The following HIVEP1 variants were observed in gnomAD, a reference collection of about 807,000 sequenced individuals.
The protein encoded by HIVEP1 is zinc finger protein 40.
A neutral mutation model predicts 180.0 loss-of-function variants in HIVEP1; 36 were observed. The observed-to-expected ratio is 0.20, with a 90% CI of 0.15 to 0.26. The LOEUF (loss-of-function observed/expected upper bound fraction) is 0.26, where lower values mean the gene tolerates loss of function less well. Among genes scored for constraint, HIVEP1 ranks in the 10% least tolerant of loss-of-function variants. The probability of loss-of-function intolerance (pLI) is 1.00; values close to 1 mark genes in which losing one functional copy is unlikely to be tolerated. For missense variants in HIVEP1, 3,143 were observed against 3,268.7 expected (o/e 0.96, Z 0.94); for synonymous variants, 1,239 against 1,239.0 (o/e 1.00, Z 0.00).
At chr6:12,019,981 G>A (rs1768080550) in intron 2 of HIVEP1, among the ~76,000 whole-genome samples, 1 of 152,214 alleles carries the variant, frequency 6.6e-6, no homozygotes, top group South Asian at 2.1e-4. Flanking sequence ...GCATGGATTT[G>A]AAAATTAAGC....
Position 12,123,612 on chromosome 6 carries a change from C to T in HIVEP1, c.3817C>T (p.Pro1273Ser). ...GCGTAGTGAAACCTTGTCAAAATTG[C>T]CAACAGAGAAACTGCCACCCAAAAA... ...PQRSETLSKLPTEKLPPKKKR... is the reference protein window; with the variant it reads ...PQRSETLSKLSTEKLPPKKKR... The change falls in exon 4 of 9, where the codon CCA becomes TCA. Residue 1273 changes from proline (P) to serine (S), a missense_variant. Physicochemically the swap from Pro to Ser is moderately conservative, Grantham distance 74. Around this residue, in one of 12 missense-constraint regions of HIVEP1, gnomAD observed 1,357 missense variants for 1,260.5 expected, o/e 1.08. Transcript: ENST00000379388. 6.2e-7 allele frequency: 1 copy of T among 1,614,044 alleles called. No homozygotes were observed.
intron 7 of HIVEP1, among the ~76,000 whole-genome samples, chr6:12,137,611 A>AT (rs1228054099): frequency 5.3e-5 from 1 of 19,030 alleles, no homozygotes; most frequent in Non-Finnish European, 9.1e-5. Flanking sequence ...GTGTGCTCAA[A>AT]GTTTTTTTTT....
intron 3 of HIVEP1, among the ~76,000 whole-genome samples, chr6:12,118,271 A>T (rs1775346939): frequency 6.6e-6 from 1 of 152,078 alleles, no homozygotes; most frequent in Non-Finnish European, 1.5e-5. Context: ...TGTAAATTTT[A>T]TTCTCAATAA....
chr6:12,118,460 A>T (rs1474617969), intron 3 of HIVEP1, among the ~76,000 whole-genome samples: 1 of 152,240 alleles, frequency 6.6e-6, no homozygotes, highest in South Asian at 2.1e-4. Context: ...AAAGTAAATC[A>T]TGGCAAGTAA....
At chr6:12,169,748 C>T (rs1012545265), downstream of HIVEP1, among the ~76,000 whole-genome samples, 12 of 152,096 alleles carry the variant, frequency 7.9e-5, no homozygotes. Context: ...AAATAGTAGT[C>T]ATGAAGTCTA....
chr6:12,025,648 A>G (rs76199754), intron 2 of HIVEP1, among the ~76,000 whole-genome samples: 4,155 of 152,334 alleles, frequency 0.027, 156 homozygotes, highest in African/African-American at 0.087. Context: ...ATAACATTCT[A>G]TAATTTGTCT....
At chr6:12,156,182 C>T (rs1456350133) in intron 7 of HIVEP1, among the ~76,000 whole-genome samples, 1 of 152,096 alleles carries the variant, frequency 6.6e-6, no homozygotes, top group Non-Finnish European at 1.5e-5. Context: ...TGAAAATTTT[C>T]TCCCATTCTG....
downstream of HIVEP1, among the ~76,000 whole-genome samples, chr6:12,167,651 A>ATG (rs1760749408): frequency 1.9e-5 from 2 of 105,564 alleles, no homozygotes; most frequent in Admixed American, 9.3e-5. Flanking sequence ...ATATACATAT[A>ATG]TATGTTATAT....
chr6:12,061,405 T>C (rs563773083), intron 2 of HIVEP1, among the ~76,000 whole-genome samples: 1 of 152,374 alleles, frequency 6.6e-6, no homozygotes, highest in African/African-American at 2.4e-5. Flanking sequence ...TCTAATATGG[T>C]AGGTTAAACT....
At chr6:12,205,039 G>C in the HIVEP1 span, among the ~76,000 whole-genome samples, 2 of 152,150 alleles carry the variant, frequency 1.3e-5, no homozygotes, top group Non-Finnish European at 2.9e-5. Context: ...ATTGTGTTTT[G>C]GCTGGAGCAG....
rs1771392962 is a variant in HIVEP1, at chr6:12,063,824, CAT to C, written c.41-25357_41-25356del. Among the ~76,000 whole-genome samples, 1 of 152,186 alleles carries C rather than the reference CAT, an allele frequency of 6.6e-6. No individual in the cohort carries two copies. Among genetic ancestry groups the C allele is most frequent in the African/African-American group, 2.4e-5 (1 of 41,430 alleles). On this transcript the variant is annotated intron_variant, in intron 2 of 8. Transcript: ENST00000379388. The surrounding 1 kb of genome is among the most constrained non-coding windows in gnomAD (Gnocchi z 4.2). Reference sequence around the variant, plus strand: ...CCAGCTTCACCATGCATGAGATTCACATATGTTTCTTAGTGGTAAAAATCATT... The same window carrying C: ...CCAGCTTCACCATGCATGAGATTCACATGTTTCTTAGTGGTAAAAATCATT...
rs559686259 is a variant in HIVEP1, at chr6:12,160,898, C to T, written c.6488-541C>T. ...TTTGGGGCCTAGTAATTTGAAAGGG[C>T]CCACATTCCTCAGATAAAAGTCCTT... On this transcript the variant is annotated intron_variant, in intron 7 of 8. Coordinates refer to ENST00000379388, the MANE Select transcript of HIVEP1 (RefSeq NM_002114.4). Among the ~76,000 whole-genome samples, 11 of 152,220 alleles carry T rather than the reference C, an allele frequency of 7.2e-5. No individual in the cohort carries two copies. In the South Asian group the frequency reaches 2.3e-3, roughly 32 times the overall value.
intron 3 of HIVEP1, among the ~76,000 whole-genome samples, chr6:12,102,778 T>G (rs925589063): frequency 5.3e-5 from 8 of 152,218 alleles, no homozygotes; most frequent in African/African-American, 1.7e-4. Flanking sequence ...ACATTTGATC[T>G]CATTTTCTTA....
rs374162409 is a variant in HIVEP1 at position 12,123,563 on chromosome 6, G to A, written c.3768G>A (p.Lys1256=). The change falls in exon 4 of 9, where the codon AAG becomes AAA. Residue 1256 remains lysine, a synonymous_variant. Transcript: ENST00000379388. The part of the protein sequence containing the change: ...DLEAQCHDQE[K]SEKFSWPQRS... The stretch of plus-strand genomic sequence containing the variant: ...AAGCTCAATGCCATGATCAAGAAAA[G>A]TCAGAGAAGTTCAGTTGGCCCCAGC... 214 of 1,614,018 alleles carry A rather than the reference G, an allele frequency of 1.3e-4. No homozygotes were observed. The highest frequency in any genetic ancestry group is 1.7e-4 in the Non-Finnish European group (202 of 1,180,050).
chr6:12,211,413 AAG>A, the HIVEP1 span, among the ~76,000 whole-genome samples: 898 of 38,340 alleles, frequency 0.023, 52 homozygotes, highest in African/African-American at 0.11. Flanking sequence ...AAAAAAAAAA[AAG>A]AAAAAGAAAA....
intron 2 of HIVEP1, among the ~76,000 whole-genome samples, chr6:12,060,595 A>G (rs1317408098): frequency 6.6e-6 from 1 of 152,232 alleles, no homozygotes; most frequent in Non-Finnish European, 1.5e-5. Context: ...AAGCCAAATT[A>G]CAGGATAGTT....
At chr6:12,107,644 A>G (rs1230105747) in intron 3 of HIVEP1, among the ~76,000 whole-genome samples, 2 of 152,182 alleles carry the variant, frequency 1.3e-5, no homozygotes, top group Non-Finnish European at 2.9e-5. Flanking sequence ...CTCAGGAGTG[A>G]AGCTGCAGAC....
At chr6:12,042,098 A>G (rs1581559568) in intron 2 of HIVEP1, among the ~76,000 whole-genome samples, 6 of 125,204 alleles carry the variant, frequency 4.8e-5, no homozygotes, top group Admixed American at 8.9e-5. Context: ...TTTGAGACGG[A>G]GTCTCGCTCT....
chr6:12,020,744 C>T (rs553942418), intron 2 of HIVEP1, among the ~76,000 whole-genome samples: 4 of 152,098 alleles, frequency 2.6e-5, no homozygotes, highest in African/African-American at 9.7e-5. Context: ...GTGGAAAATA[C>T]TAAGTATTAA....
Sources: gnomAD v4.1 joint callset for allele counts (sites outside exome capture counted in the v4.1 genomes callset) on GRCh38, gnomAD v4.1.1 for gene constraint, gnomAD v4.1.1 regional missense constraint, Gnocchi (gnomAD v3.1) non-coding constraint, MANE v1.5 for transcripts, NCBI Gene and HGNC (gene_info 2026-07-23, HGNC 2026-07-21) for gene names.